The following NBPF3 variants were observed in gnomAD, a reference collection of about 807,000 sequenced individuals.
NBPF3 encodes the protein NBPF family member NBPF3.
A neutral mutation model predicts 78.1 loss-of-function variants in NBPF3; 57 were observed. The observed-to-expected ratio is 0.73, with a 90% CI of 0.59 to 0.91. The LOEUF is 0.91. Ranked by LOEUF, NBPF3 falls within the 40% of genes least tolerant of loss-of-function variation. The pLI, the probability that NBPF3 is intolerant of heterozygous loss-of-function variation, is 0.00. For missense variants in NBPF3, 510 were observed against 715.3 expected (o/e 0.71, Z 3.27); for synonymous variants, 182 against 271.7 (o/e 0.67, Z 3.25).
rs931178917 is a variant in NBPF3 at position 21,476,535 on chromosome 1, A to G, written c.992+1584A>G. 2.0e-5 allele frequency among the ~76,000 whole-genome samples: 3 copies of G among 152,124 alleles called. No homozygotes were observed. Among genetic ancestry groups the G allele is most frequent in the Non-Finnish European group, 2.9e-5 (2 of 68,032 alleles). On this transcript the variant is annotated intron_variant, in intron 8 of 14. Transcript: ENST00000318249. The surrounding 1 kb of genome is among the most constrained non-coding windows in gnomAD (Gnocchi z 4.1). ...GGATTTTATTTCTCCTTCACTTTTG[A>G]AGCTTAGTTTCGCTGAGTATGAAAT...
At chr1:21,472,096 A>G (rs1053213062) in intron 5 of NBPF3, among the ~76,000 whole-genome samples, 5 of 152,166 alleles carry the variant, frequency 3.3e-5, no homozygotes, top group Non-Finnish European at 7.4e-5. Flanking sequence ...TAGAGTGAAA[A>G]GAGCTCTGGA....
At chr1:21,481,356 A>G (rs1473218674) in intron 12 of NBPF3, among the ~76,000 whole-genome samples, 1 of 140,172 alleles carries the variant, frequency 7.1e-6, no homozygotes, top group East Asian at 2.3e-4. Context: ...CACCTGGACA[A>G]TTCAGTGAGC....
intron 4 of NBPF3, 135 bp downstream of exon 4, chr1:21,470,869 C>T (rs1470703270): frequency 5.3e-6 from 3 of 562,368 alleles, no homozygotes; most frequent in African/African-American, 3.8e-5. Flanking sequence ...TCACGACACA[C>T]AAAGATTTAT....
chr1:21,440,580 G>A (rs1640577646), intron 1 of NBPF3, among the ~76,000 whole-genome samples: 1 of 152,204 alleles, frequency 6.6e-6, no homozygotes, highest in Admixed American at 6.5e-5. Context: ...AAACTCGCTG[G>A]CGGGTGTTCT....
chr1:21,470,801 C>T (rs1642545623), intron 4 of NBPF3, 67 bp downstream of exon 4: 1 of 1,067,558 alleles, frequency 9.4e-7, no homozygotes, highest in Non-Finnish European at 1.4e-6. Context: ...AGCAGCTCGG[C>T]AGGGAGAACT....
upstream of NBPF3, among the ~76,000 whole-genome samples, chr1:21,439,713 T>A (rs187861880): frequency 1.5e-3 from 226 of 152,190 alleles, no homozygotes; most frequent in Non-Finnish European, 2.6e-3. Flanking sequence ...ACTCCAGGGC[T>A]CACGCCTGGC....
rs1642414097 is a variant in NBPF3, at chr1:21,468,721, G to C, written c.167G>C (p.Ser56Thr). Reference protein sequence around the residue: ...PGPTSSATNVSMVVSAGPWSG... With the variant: ...PGPTSSATNVTMVVSAGPWSG... ...CCCACCTCTTCTGCCACAAACGTCA[G>C]CATGGTGGTATCTGCCGGCCCTTGG... The change falls in exon 3 of 15, where the codon AGC becomes ACC. Residue 56 changes from serine (S) to threonine (T), a missense_variant. Ser to Thr is a moderately conservative substitution (Grantham distance 58, BLOSUM62 1). Around this residue, in one of 5 missense-constraint regions of NBPF3, gnomAD observed 440 missense variants for 478.2 expected, o/e 0.92. Coordinates refer to ENST00000318249, the MANE Select transcript of NBPF3 (RefSeq NM_032264.6). 1 of 1,613,276 alleles carries C rather than the reference G, an allele frequency of 6.2e-7. No homozygotes were observed. Among genetic ancestry groups the C allele is most frequent in the Admixed American group, 1.7e-5 (1 of 59,992 alleles).
chr1:21,442,644 A>G (rs910288256), intron 1 of NBPF3, among the ~76,000 whole-genome samples: 1 of 151,832 alleles, frequency 6.6e-6, no homozygotes, highest in African/African-American at 2.4e-5. Flanking sequence ...TGTTAACCTT[A>G]TAACAATTTT....
rs374472637 is a variant in NBPF3, at chr1:21,464,582, T to C, written c.134-4106T>C. On this transcript the variant is annotated intron_variant, in intron 2 of 14. Coordinates refer to ENST00000318249, the MANE Select transcript of NBPF3 (RefSeq NM_032264.6). ...ATATGGTAAAAGACACTGAAATGTA[T>C]GCTTAAAAATGGTGAATTTTGTGAT... is the stretch of plus-strand genomic sequence containing the variant. 3.3e-5 allele frequency among the ~76,000 whole-genome samples: 5 copies of C among 152,142 alleles called. No individual in the cohort carries two copies. The East Asian group carries it at 9.7e-4, about 29-fold the overall frequency.
intron 2 of NBPF3, among the ~76,000 whole-genome samples, chr1:21,456,192 CAG>C (rs930653027): frequency 6.0e-4 from 92 of 152,240 alleles, no homozygotes; most frequent in African/African-American, 2.2e-3. Flanking sequence ...ATCGATCAGA[CAG>C]TAATTTTACG....
At chr1:21,445,745 A>G (rs1640933098) in intron 2 of NBPF3, among the ~76,000 whole-genome samples, 1 of 152,146 alleles carries the variant, frequency 6.6e-6, no homozygotes, top group Admixed American at 6.5e-5. Context: ...TAATGGGTTA[A>G]AAGTGGCCAC....
At chr1:21,468,667 G>A (rs376341560) in intron 2 of NBPF3, 21 bp from the exon 3 acceptor site, 2 of 1,612,100 alleles carry the variant, frequency 1.2e-6, no homozygotes, top group Non-Finnish European at 1.7e-6. Flanking sequence ...CCCATCGTGT[G>A]TTTGGGTGTC....
At chr1:21,456,886 TAAAA>T (rs1165145057) in intron 2 of NBPF3, among the ~76,000 whole-genome samples, 3 of 152,110 alleles carry the variant, frequency 2.0e-5, no homozygotes, top group Non-Finnish European at 4.4e-5. Flanking sequence ...GTAAGAAAAA[TAAAA>T]GTATTGAAAA....
rs865927978 is a variant in NBPF3 at position 21,458,195 on chromosome 1, G to A, written c.134-10493G>A. Among the ~76,000 whole-genome samples the A allele has an allele frequency of 1.1e-4, 17 of 152,236 alleles. No individual in the cohort carries two copies. In the Middle Eastern group the frequency reaches 0.014, roughly 122 times the overall value. On this transcript the variant is annotated intron_variant, in intron 2 of 14. Coordinates refer to ENST00000318249, the MANE Select transcript of NBPF3 (RefSeq NM_032264.6). Reference sequence around the variant, plus strand: ...CTTCAGACCTCCAATAAACTTGTTTGTGGAGGCCTGGGGAGTTTCTTCAGA... The same window carrying A: ...CTTCAGACCTCCAATAAACTTGTTTATGGAGGCCTGGGGAGTTTCTTCAGA...
At chr1:21,473,624 G>A (rs1642732280) in intron 7 of NBPF3, 39 bp downstream of exon 7, 1 of 1,540,746 alleles carries the variant, frequency 6.5e-7, no homozygotes, top group African/African-American at 1.4e-5. Flanking sequence ...CTTTTCCTAT[G>A]CTGAGGAATA....
At position 21,472,846 on chromosome 1, in the gene NBPF3, A is replaced by T. The variant is rs1642673895; in HGVS notation, c.665A>T (p.Asn222Ile). 1.9e-6 allele frequency: 3 copies of T among 1,609,794 alleles called. No individual in the cohort carries two copies. The highest frequency in any genetic ancestry group is 2.6e-6 in the Non-Finnish European group (3 of 1,176,156). Residue 222 changes from asparagine to isoleucine, a missense_variant, in exon 6 of 15, where the codon AAT becomes ATT. Asn to Ile is a moderately radical substitution (Grantham distance 149). Around this residue, in one of 5 missense-constraint regions of NBPF3, gnomAD observed 440 missense variants for 478.2 expected, o/e 0.92. Transcript: ENST00000318249. Reference protein sequence around the residue: ...QHLVQKLSPENDDDEDEDVKV... With the variant: ...QHLVQKLSPEIDDDEDEDVKV... ...ATGAACACTTCTGTATTTACAGAAA[A>T]TGATGACGATGAGGATGAAGATGTT... is the stretch of plus-strand genomic sequence containing the variant.
intron 7 of NBPF3, among the ~76,000 whole-genome samples, chr1:21,473,940 C>T (rs772477055): frequency 1.3e-4 from 20 of 152,188 alleles, no homozygotes; most frequent in Non-Finnish European, 2.2e-4. Flanking sequence ...CTTTTTAAGG[C>T]GACTGGCAGC....
At chr1:21,438,227 C>G (rs1640464395), upstream of NBPF3, among the ~76,000 whole-genome samples, 1 of 152,126 alleles carries the variant, frequency 6.6e-6, no homozygotes, top group African/African-American at 2.4e-5. Flanking sequence ...ATTCTCCTGC[C>G]TCAGCCTCCC....
In NBPF3 at chr1:21,471,590, C is replaced by T. The variant is rs1642596528; in HGVS notation, c.468C>T (p.His156=). ...TTAGGCAATATAAAGTCCTGGTTCA[C>T]TCTCAGGAACGAGAGCTGACCCAGT... ...EELRQYKVLV[H]SQERELTQLR... Residue 156 remains histidine, a synonymous_variant, in exon 5 of 15, where the codon CAC becomes CAT. Transcript: ENST00000318249. 6.2e-7 allele frequency: 1 copy of T among 1,612,130 alleles called. No individual in the cohort carries two copies. The highest frequency in any genetic ancestry group is 8.5e-7 in the Non-Finnish European group (1 of 1,179,772).
Sources: allele counts gnomAD v4.1 joint callset (sites outside exome capture counted in the v4.1 genomes callset), GRCh38; gene constraint gnomAD v4.1.1; regional missense constraint gnomAD v4.1.1; non-coding constraint Gnocchi (gnomAD v3.1); transcripts MANE v1.5; gene names NCBI Gene and HGNC (gene_info 2026-07-23, HGNC 2026-07-21).